SAMD8: variants seen among roughly 807,000 people sequenced by gnomAD.
SAMD8 encodes sphingomyelin synthase-related protein 1.
In SAMD8, 20 loss-of-function variants were observed where a neutral mutation model predicts 42.0. The observed-to-expected ratio is 0.48, with a 90% confidence interval of 0.34 to 0.69. SAMD8 has a LOEUF of 0.69. Among genes scored for constraint, SAMD8 ranks in the 30% least tolerant of loss-of-function variants. The probability of loss-of-function intolerance (pLI) is 0.01; values close to 1 mark genes in which losing one functional copy is unlikely to be tolerated. For synonymous variants in SAMD8, 162 were observed against 173.0 expected, an observed-to-expected ratio of 0.94 and a Z score of 0.50; for missense variants, 328 against 511.6, an observed-to-expected ratio of 0.64 and a Z score of 3.46.
intron 2 of SAMD8, among the ~76,000 whole-genome samples, chr10:75,159,943 A>G (rs1290931378): frequency 6.6e-6 from 1 of 152,224 alleles, no homozygotes; most frequent in African/African-American, 2.4e-5. Flanking sequence ...TATGTTCAGC[A>G]TATAGAAACA....
rs202162176 is a variant in SAMD8 at position 75,146,272 on chromosome 10, C to CTTTTTTTTTTT, written c.-15-4224_-15-4214dup. On this transcript the variant is annotated intron_variant, in intron 1 of 5. Transcript: ENST00000542569. The stretch of plus-strand genomic sequence containing the variant: ...TTTCCTGATGTCCAGTGTCTTGACA[C>CTTTTTTTTTTT]TTTTTTTTTTTTTTTTTTTTTTTTT... 7.3e-5 allele frequency among the ~76,000 whole-genome samples: 5 copies of CTTTTTTTTTTT among 68,142 alleles called. 1 individual carries two copies. Among genetic ancestry groups the CTTTTTTTTTTT allele is most frequent in the African/African-American group, 3.5e-4 (5 of 14,426 alleles). 44.7% of individuals were successfully genotyped at this position (68,142 alleles called of 152,430 possible). A position where few individuals can be genotyped will look rare whatever the true frequency, so the allele number is the denominator to read the frequency against.
At position 75,105,823 on chromosome 10, in the gene SAMD8, G is replaced by A. The variant is rs145460879; in HGVS notation, c.-16+6095G>A. ...CAGCATGAGGTAGGCCAGGACCAGC[G>A]TGGCAGAGCGGCTCACGCCCACCAC... On this transcript the variant is annotated intron_variant, in intron 1 of 3. Coordinates refer to the SAMD8 transcript ENST00000447533. 3.7e-4 allele frequency: 572 copies of A among 1,550,824 alleles called. 1 individual carries two copies. In the African/African-American group the frequency reaches 6.5e-3, roughly 18 times the overall value.
At chr10:75,129,786 A>G (rs918195858) in intron 1 of SAMD8, among the ~76,000 whole-genome samples, 1 of 152,200 alleles carries the variant, frequency 6.6e-6, no homozygotes, top group Non-Finnish European at 1.5e-5. Context: ...AACCCTTGAC[A>G]TCATAGTATA....
Position 75,134,407 on chromosome 10 carries a change from G to A in SAMD8, c.-15-16107G>A, listed in dbSNP as rs535795120. Among the ~76,000 whole-genome samples the A allele has an allele frequency of 5.3e-5, 8 of 152,270 alleles. No homozygotes were observed. In the South Asian group the frequency reaches 6.2e-4, roughly 12 times the overall value. Reference sequence around the variant, plus strand: ...CCCAGCACTTTGAGAGGCCGAGGCCGGCGGATCACCTGAGGTCAGTAGTTA... The same window carrying A: ...CCCAGCACTTTGAGAGGCCGAGGCCAGCGGATCACCTGAGGTCAGTAGTTA... On this transcript the variant is annotated intron_variant, in intron 1 of 5. Coordinates refer to ENST00000542569, the MANE Select transcript of SAMD8 (RefSeq NM_001174156.2).
At position 75,124,935 on chromosome 10, in the gene SAMD8, T is replaced by G. The variant is rs181549920; in HGVS notation, c.-16+13213T>G. Among the ~76,000 whole-genome samples, 517 of 152,100 alleles carry G rather than the reference T, an allele frequency of 3.4e-3. 2 individuals are homozygous for G. The highest frequency in any genetic ancestry group is 0.012 in the African/African-American group (479 of 41,494). ...CATGCCAGCACAGCCAGCTAATTTT[T>G]TTGTTGTTGTTGTTTTTGTTTGTTT... On this transcript the variant is annotated intron_variant, in intron 1 of 5. Transcript: ENST00000542569.
chr10:75,146,545 C>G (rs1246593321), intron 1 of SAMD8, among the ~76,000 whole-genome samples: 6 of 152,054 alleles, frequency 3.9e-5, no homozygotes, highest in African/African-American at 1.4e-4. Context: ...CTCAGCCTCC[C>G]TAAGTGCTAG....
chr10:75,104,007 C>G, intron 1 of SAMD8: 1 of 1,357,748 alleles, frequency 7.4e-7, no homozygotes, highest in Non-Finnish European at 9.8e-7. Context: ...TTCTGTGTGT[C>G]CGCCTGGGCC....
intron 1 of SAMD8, 98 bp from the exon 2 acceptor site, chr10:75,150,416 C>T (rs1456082714): frequency 8.8e-6 from 13 of 1,471,044 alleles, no homozygotes; most frequent in Non-Finnish European, 1.1e-5. Context: ...AGCCACTGCG[C>T]CTGGCCTGTT....
intron 2 of SAMD8, among the ~76,000 whole-genome samples, chr10:75,155,571 C>A (rs1189711524): frequency 1.3e-5 from 2 of 151,956 alleles, no homozygotes; most frequent in Non-Finnish European, 2.9e-5. Flanking sequence ...ACATGTTGGT[C>A]ATCAGTGACT....
At chr10:75,161,747 G>A (rs1164910197) in intron 2 of SAMD8, among the ~76,000 whole-genome samples, 12 of 152,068 alleles carry the variant, frequency 7.9e-5, no homozygotes, top group Non-Finnish European at 1.6e-4. Flanking sequence ...GGGGCTGGGC[G>A]TGGTGGTTTA....
chr10:75,175,375 T>G (rs1412082755), intron 4 of SAMD8, among the ~76,000 whole-genome samples: 2 of 152,176 alleles, frequency 1.3e-5, no homozygotes, highest in Non-Finnish European at 2.9e-5. Flanking sequence ...CCGTCTGTCA[T>G]AGCCTATGTC....
At chr10:75,164,842 C>T (rs773787905) in intron 3 of SAMD8, 102 bp downstream of exon 3, 1 of 854,308 alleles carries the variant, frequency 1.2e-6, no homozygotes, top group Non-Finnish European at 1.9e-6. Context: ...TAATTTCCTT[C>T]TCTGGTCATT....
chr10:75,127,413 T>C (rs1345742914), intron 1 of SAMD8, among the ~76,000 whole-genome samples: 1 of 152,154 alleles, frequency 6.6e-6, no homozygotes, highest in African/African-American at 2.4e-5. Context: ...TACAAGTTGA[T>C]CTTGGGGAAC....
chr10:75,157,226 G>A (rs181140560), intron 2 of SAMD8, among the ~76,000 whole-genome samples: 1 of 151,918 alleles, frequency 6.6e-6, no homozygotes, highest in East Asian at 1.9e-4. Context: ...GCAAAGAAAT[G>A]ATGAGGGGGA....
At chr10:75,112,313 G>C (rs189311949) in intron 1 of SAMD8, among the ~76,000 whole-genome samples, 1 of 152,326 alleles carries the variant, frequency 6.6e-6, no homozygotes, top group Non-Finnish European at 1.5e-5. Flanking sequence ...GCCTCAAGGG[G>C]TGAGGGAGGC....
intron 1 of SAMD8, among the ~76,000 whole-genome samples, chr10:75,134,705 CTAA>C (rs1454366527): frequency 6.6e-6 from 1 of 151,920 alleles, no homozygotes; most frequent in Non-Finnish European, 1.5e-5. Context: ...GTGACTATGA[CTAA>C]TAATAATGTA....
At chr10:75,141,670 T>G (rs1840019773) in intron 1 of SAMD8, among the ~76,000 whole-genome samples, 1 of 151,392 alleles carries the variant, frequency 6.6e-6, no homozygotes, top group East Asian at 2.0e-4. Flanking sequence ...GCCTCCCGAG[T>G]AGCTGGGACT....
At chr10:75,148,734 ATAAAC>A (rs1840210255) in intron 1 of SAMD8, among the ~76,000 whole-genome samples, 1 of 152,226 alleles carries the variant, frequency 6.6e-6, no homozygotes, top group Non-Finnish European at 1.5e-5. Flanking sequence ...TAAGGCCATG[ATAAAC>A]ACTCAAATCA....
rs1841023568 is a variant in SAMD8, at chr10:75,178,253, T to C, written c.*1561T>C. On this transcript the variant is annotated 3_prime_UTR_variant, in exon 6 of 6. Coordinates refer to ENST00000542569, the MANE Select transcript of SAMD8 (RefSeq NM_001174156.2). ...ATTTGGGTCTGCTGTGAACATCATT[T>C]TTGTATTTCTCACTTGAGAAATGCT... 6.6e-6 allele frequency: 1 copy of C among 152,234 alleles called. No homozygotes were observed. Among genetic ancestry groups the C allele is most frequent in the South Asian group, 2.1e-4 (1 of 4,836 alleles). 9.4% of individuals were successfully genotyped at this position (152,234 alleles called of 1,614,324 possible).
Sources: allele counts gnomAD v4.1 joint callset (sites outside exome capture counted in the v4.1 genomes callset), GRCh38; gene constraint gnomAD v4.1.1; transcripts MANE v1.5; gene names NCBI Gene and HGNC (gene_info 2026-07-23, HGNC 2026-07-21).